SYN3: variants seen among roughly 807,000 people sequenced by gnomAD.
SYN3 encodes synapsin III.
SYN3 carries 35 observed loss-of-function variants against 65.8 expected under a neutral mutation model. The observed-to-expected ratio is 0.53, with a 90% CI of 0.41 to 0.70. The LOEUF (loss-of-function observed/expected upper bound fraction) is 0.70, where lower values mean the gene tolerates loss of function less well. SYN3 is among the 30% of genes least tolerant of loss of function. The pLI is 0.00. For missense variants in SYN3, 680 were observed against 749.0 expected, an observed-to-expected ratio of 0.91 and a Z score of 1.08; for synonymous variants, 270 against 292.9, an observed-to-expected ratio of 0.92 and a Z score of 0.80.
intron 6 of SYN3, among the ~76,000 whole-genome samples, chr22:32,829,465 T>C (rs1037118413): frequency 1.3e-5 from 2 of 152,136 alleles, no homozygotes; most frequent in Admixed American, 6.5e-5. Flanking sequence ...TGCACCCACA[T>C]GTAGGCTCAC....
chr22:32,864,893 CAG>C lies in SYN3; in HGVS notation c.711+20_711+21del, dbSNP rs754327181. 7 of 1,602,972 alleles carry C rather than the reference CAG, an allele frequency of 4.4e-6. No individual in the cohort carries two copies. The highest frequency in any genetic ancestry group is 4.0e-5 in the African/African-American group (3 of 74,728). ...ATTCATTCCGCATCATGCAAAGAAACAGAGTAAAAAAGGGCACTCACCATTGG... is the reference window on the plus strand; with the variant it reads ...ATTCATTCCGCATCATGCAAAGAAACAGTAAAAAAGGGCACTCACCATTGG... On this transcript the variant is annotated intron_variant, in intron 6 of 13. Transcript: ENST00000358763.
At chr22:32,919,004 G>A (rs1348499849) in intron 4 of SYN3, among the ~76,000 whole-genome samples, 10 of 152,300 alleles carry the variant, frequency 6.6e-5, no homozygotes, top group Middle Eastern at 3.4e-3. Context: ...TTGTGAGCTC[G>A]GAGGTGGGCA....
intron 6 of SYN3, among the ~76,000 whole-genome samples, chr22:32,793,952 A>C (rs532388721): frequency 1.9e-3 from 297 of 152,350 alleles, no homozygotes; most frequent in African/African-American, 7.0e-3. Flanking sequence ...GTAGAAGCCA[A>C]ATGAATTCCA....
chr22:32,708,850 A>G (rs1399086762), intron 6 of SYN3, among the ~76,000 whole-genome samples: 1 of 152,222 alleles, frequency 6.6e-6, no homozygotes, highest in Non-Finnish European at 1.5e-5. Context: ...GGGGCCCTTG[A>G]GCCAGCCATT....
chr22:32,552,021 T>C (rs1354923917), intron 7 of SYN3, among the ~76,000 whole-genome samples: 10 of 152,134 alleles, frequency 6.6e-5, no homozygotes, highest in African/African-American at 2.4e-4. Context: ...GAGGCCGAGG[T>C]GGGTGGATCA....
intron 1 of SYN3, among the ~76,000 whole-genome samples, chr22:33,017,075 G>GT (rs1171397004): frequency 2.0e-5 from 3 of 152,062 alleles, no homozygotes; most frequent in Non-Finnish European, 2.9e-5. Flanking sequence ...ATTTTGAGGT[G>GT]TTTTTTTGTA....
intron 6 of SYN3, among the ~76,000 whole-genome samples, chr22:32,655,484 G>A (rs1036081543): frequency 2.6e-5 from 4 of 152,154 alleles, no homozygotes; most frequent in Admixed American, 1.3e-4. Flanking sequence ...CAGCAGGTGA[G>A]CCAGTGAAGC....
At chr22:32,618,466 T>A (rs2059550769) in intron 6 of SYN3, among the ~76,000 whole-genome samples, 1 of 152,162 alleles carries the variant, frequency 6.6e-6, no homozygotes, top group Admixed American at 6.5e-5. Context: ...CTTGATGAGG[T>A]GCTTCCTCCA....
intron 6 of SYN3, among the ~76,000 whole-genome samples, chr22:32,856,084 C>T (rs1424243491): frequency 6.6e-6 from 1 of 152,152 alleles, no homozygotes; most frequent in Non-Finnish European, 1.5e-5. Context: ...GTAATACATC[C>T]CTCCCAGGGC....
At chr22:32,610,537 G>A (rs1005430802) in intron 6 of SYN3, among the ~76,000 whole-genome samples, 1 of 151,732 alleles carries the variant, frequency 6.6e-6, no homozygotes, top group Non-Finnish European at 1.5e-5. Context: ...GGCCTTTTGT[G>A]ACTAGTTTCC....
chr22:32,889,262 G>A (rs2049374571), intron 4 of SYN3, among the ~76,000 whole-genome samples: 1 of 152,018 alleles, frequency 6.6e-6, no homozygotes, highest in Non-Finnish European at 1.5e-5. Context: ...CACTCCTCTT[G>A]CCCCAACTAT....
chr22:32,724,498 C>G (rs143535651), intron 6 of SYN3, among the ~76,000 whole-genome samples: 80 of 152,200 alleles, frequency 5.3e-4, no homozygotes, highest in African/African-American at 1.7e-3. Context: ...TCTTCTTCTC[C>G]TTTTCCTGTT....
chr22:32,794,922 A>C (rs1272496296), intron 6 of SYN3, among the ~76,000 whole-genome samples: 2 of 152,224 alleles, frequency 1.3e-5, no homozygotes, highest in Admixed American at 6.5e-5. Flanking sequence ...CATTGTGAAC[A>C]AGGCTCAGAG....
intron 1 of SYN3, among the ~76,000 whole-genome samples, chr22:33,023,953 C>T (rs923230307): frequency 2.0e-5 from 3 of 152,166 alleles, no homozygotes; most frequent in African/African-American, 4.8e-5. Flanking sequence ...GGAGAGGTGT[C>T]CACCTTGGTG....
chr22:32,628,370 G>A lies in SYN3; in HGVS notation c.712-31634C>T, dbSNP rs2059699173. Among the ~76,000 whole-genome samples the A allele has an allele frequency of 2.0e-5, 3 of 152,326 alleles. No homozygotes were observed. In the South Asian group the frequency reaches 6.2e-4, roughly 32 times the overall value. ...GGTATATTGAAGACCATTACTGGAAGTGAGGGGAGATGAGGAGGAAGAGGC... is the reference window on the plus strand; with the variant it reads ...GGTATATTGAAGACCATTACTGGAAATGAGGGGAGATGAGGAGGAAGAGGC... On this transcript the variant is annotated intron_variant, in intron 6 of 13. Transcript: ENST00000358763.
chr22:32,869,159 G>A (rs778166681), intron 4 of SYN3, 34 bp from the exon 5 acceptor site: 4 of 1,597,190 alleles, frequency 2.5e-6, no homozygotes, highest in Non-Finnish European at 3.4e-6. Context: ...ACCACACTGG[G>A]ACATTGATGA....
In SYN3 at chr22:33,021,784, ATTTTTTT is replaced by A. The variant is rs57313381; in HGVS notation, c.-162-14967_-162-14961del. Among the ~76,000 whole-genome samples the A allele has an allele frequency of 2.2e-4, 31 of 141,676 alleles. 1 individual carries two copies. The highest frequency in any genetic ancestry group is 1.9e-3 in the Admixed American group (27 of 14,262). The allele number at this position is 141,676 out of a possible 152,430, so 92.9% of individuals were successfully genotyped here. ...TTCTATAAACTATATACTGTAACTTATTTTTTTTTTTTTTTTGCTTATTCTTCATTTT... is the reference window on the plus strand; with the variant it reads ...TTCTATAAACTATATACTGTAACTTATTTTTTTTTGCTTATTCTTCATTTT... On this transcript the variant is annotated intron_variant, in intron 1 of 13. Coordinates refer to ENST00000358763, the MANE Select transcript of SYN3 (RefSeq NM_003490.4).
At chr22:32,909,027 T>C (rs1486999246) in intron 4 of SYN3, among the ~76,000 whole-genome samples, 1 of 152,240 alleles carries the variant, frequency 6.6e-6, no homozygotes, top group African/African-American at 2.4e-5. Context: ...CACAATATGA[T>C]ACACTGAGGT....
chr22:32,641,846 C>G (rs890941567), intron 6 of SYN3, among the ~76,000 whole-genome samples: 1 of 151,934 alleles, frequency 6.6e-6, no homozygotes, highest in Non-Finnish European at 1.5e-5. Flanking sequence ...ATTAAGAAAA[C>G]GAAAAAGTGC....
Sources: allele counts gnomAD v4.1 joint callset (sites outside exome capture counted in the v4.1 genomes callset), GRCh38; gene constraint gnomAD v4.1.1; transcripts MANE v1.5; gene names NCBI Gene and HGNC (gene_info 2026-07-23, HGNC 2026-07-21).